The following SLC4A8 variants were observed in gnomAD, a reference collection of about 807,000 sequenced individuals.
SLC4A8 encodes solute carrier family 4 member 8, also known as electroneutral sodium bicarbonate exchanger 1.
In SLC4A8, 40 loss-of-function variants were observed where a neutral mutation model predicts 125.0. That is an observed-to-expected ratio of 0.32 (90% CI 0.25 to 0.42). The LOEUF is 0.42. Among genes scored for constraint, SLC4A8 ranks in the 10% least tolerant of loss-of-function variants. The probability of loss-of-function intolerance (pLI) is 1.00; values close to 1 mark genes in which losing one functional copy is unlikely to be tolerated. For missense variants in SLC4A8, 863 were observed against 1,355.1 expected (o/e 0.64, Z 5.70); for synonymous variants, 456 against 476.0 (o/e 0.96, Z 0.55).
At chr12:51,461,990 T>A (rs76963232) in intron 9 of SLC4A8, 1 of 197,062 alleles carries the variant, frequency 5.1e-6, no homozygotes, top group Non-Finnish European at 1.0e-5. Context: ...GAAAGCTGAT[T>A]AAAATTTTTT....
At chr12:51,436,842 G>T (rs761186899) in intron 1 of SLC4A8, among the ~76,000 whole-genome samples, 3 of 152,082 alleles carry the variant, frequency 2.0e-5, no homozygotes, top group Non-Finnish European at 4.4e-5. Flanking sequence ...GGCCAGGCTG[G>T]TCTCGAACTC....
chr12:51,499,101 A>G (rs1383045573), intron 22 of SLC4A8, among the ~76,000 whole-genome samples: 1 of 152,008 alleles, frequency 6.6e-6, no homozygotes, highest in East Asian at 1.9e-4. Flanking sequence ...GAATCACTTG[A>G]ACCCGGGAGG....
rs528436510 is a variant in SLC4A8 at position 51,477,008 on chromosome 12, A to G, written c.2172+1802A>G. ...CCACAACCTCTGCCTCCCGGGTTCAAGTGGTTCTTCTGCCTCAGCCTCCAA... is the reference window on the plus strand; with the variant it reads ...CCACAACCTCTGCCTCCCGGGTTCAGGTGGTTCTTCTGCCTCAGCCTCCAA... On this transcript the variant is annotated intron_variant, in intron 16 of 24. Coordinates refer to ENST00000453097, the MANE Select transcript of SLC4A8 (RefSeq NM_001039960.3). 3.8e-4 allele frequency among the ~76,000 whole-genome samples: 57 copies of G among 150,062 alleles called. 1 individual carries two copies. Among genetic ancestry groups the G allele is most frequent in the Middle Eastern group, 3.5e-3 (1 of 286 alleles).
chr12:51,475,265 C>A lies in SLC4A8; in HGVS notation c.2172+59C>A, dbSNP rs1950826225. On this transcript the variant is annotated intron_variant, in intron 16 of 24. Coordinates refer to ENST00000453097, the MANE Select transcript of SLC4A8 (RefSeq NM_001039960.3). Reference sequence around the variant, plus strand: ...AGAATCAAATATAACAGAACCTTTTCTCAGCCTTCATGCTGCTTATGGGGT... The same window carrying A: ...AGAATCAAATATAACAGAACCTTTTATCAGCCTTCATGCTGCTTATGGGGT... The A allele has an allele frequency of 4.5e-6, 7 of 1,546,222 alleles. No individual in the cohort carries two copies. In the Admixed American group the frequency reaches 1.0e-4, roughly 23 times the overall value.
chr12:51,426,925 CT>C (rs946525080), intron 1 of SLC4A8, among the ~76,000 whole-genome samples: 24 of 142,542 alleles, frequency 1.7e-4, no homozygotes, highest in South Asian at 9.1e-4. Flanking sequence ...AACAGATTTT[CT>C]TTTTTTTTTC....
intron 23 of SLC4A8, among the ~76,000 whole-genome samples, chr12:51,505,557 C>A (rs1938130529): frequency 6.6e-6 from 1 of 152,256 alleles, no homozygotes; most frequent in Admixed American, 6.5e-5. Context: ...TCCAGTGAGG[C>A]CCTTCGGAGG....
intron 1 of SLC4A8, among the ~76,000 whole-genome samples, chr12:51,405,547 A>C (rs976758534): frequency 3.9e-5 from 6 of 152,052 alleles, no homozygotes; most frequent in Admixed American, 1.3e-4. Context: ...ATGTTCATCT[A>C]TGGCCATTTT....
chr12:51,448,712 CTT>C (rs1565783488), intron 2 of SLC4A8, among the ~76,000 whole-genome samples: 1 of 152,052 alleles, frequency 6.6e-6, no homozygotes, highest in Non-Finnish European at 1.5e-5. Flanking sequence ...TCAAGAAAGT[CTT>C]TTGAACTAAG....
chr12:51,450,760 T>C, intron 2 of SLC4A8, 116 bp from the exon 3 acceptor site: 1 of 1,132,506 alleles, frequency 8.8e-7, no homozygotes, highest in African/African-American at 1.6e-5. Flanking sequence ...GTTCCAGAGC[T>C]GTGACCAGAC....
rs186914716 is a variant in SLC4A8 at position 51,462,144 on chromosome 12, A to G, written c.1102-166A>G. 2.1e-4 allele frequency: 130 copies of G among 622,862 alleles called. No homozygotes were observed. The highest frequency in any genetic ancestry group is 3.5e-4 in the Non-Finnish European group (123 of 356,414). The allele number at this position is 622,862 out of a possible 1,614,324, so 38.6% of individuals were successfully genotyped here. A position where few individuals can be genotyped will look rare whatever the true frequency, so the allele number is the denominator to read the frequency against. On this transcript the variant is annotated intron_variant, in intron 9 of 24. Coordinates refer to ENST00000453097, the MANE Select transcript of SLC4A8 (RefSeq NM_001039960.3). The stretch of plus-strand genomic sequence containing the variant: ...TCTCATTTCCACGCTTGTTTTTTAA[A>G]TCCTTTTATCCTTGCACTTCTCTAA...
chr12:51,434,327 AAT>A lies in SLC4A8; in HGVS notation c.49-6379_49-6378del, dbSNP rs1229116349. On this transcript the variant is annotated intron_variant, in intron 1 of 24. Coordinates refer to ENST00000453097, the MANE Select transcript of SLC4A8 (RefSeq NM_001039960.3). Reference sequence around the variant, plus strand: ...ACACACGAGATTATTATACTGAAAAAATAGTTTCCTAATATAATCAAATTTTC... The same window carrying A: ...ACACACGAGATTATTATACTGAAAAAAGTTTCCTAATATAATCAAATTTTC... Among the ~76,000 whole-genome samples, 15 of 152,372 alleles carry A rather than the reference AAT, an allele frequency of 9.8e-5. No homozygotes were observed. In the East Asian group the frequency reaches 1.5e-3, roughly 16 times the overall value.
chr12:51,416,736 A>G (rs1948693706), intron 1 of SLC4A8, among the ~76,000 whole-genome samples: 1 of 152,200 alleles, frequency 6.6e-6, no homozygotes, highest in Admixed American at 6.5e-5. Flanking sequence ...CTCCTTATAT[A>G]GCTATCTAGG....
Position 51,459,956 on chromosome 12 carries a change from CCTT to C in SLC4A8, c.863_865del (p.Leu288del). 6.2e-7 allele frequency: 1 copy of C among 1,613,162 alleles called. No homozygotes were observed. Among genetic ancestry groups the C allele is most frequent in the Non-Finnish European group, 8.5e-7 (1 of 1,179,476 alleles). On this transcript the variant is annotated inframe_deletion, in exon 8 of 25. Transcript: ENST00000453097. Reference sequence around the variant, plus strand: ...TGTTTCTTTTGGACTTTCAGGTAGACCTTCATTTCATGAAAAAAATTCCTACTG... The same window carrying C: ...TGTTTCTTTTGGACTTTCAGGTAGACCATTTCATGAAAAAAATTCCTACTG...
rs938119692 is a variant in SLC4A8 at position 51,459,845 on chromosome 12, G to A, written c.856-106G>A. ...GATTGCGCCACTGCACTCCAGAGTG[G>A]GTGATGTAGTGAGACTCTGTCTCAA... On this transcript the variant is annotated intron_variant, in intron 7 of 24. Transcript: ENST00000453097. 13 of 919,784 alleles carry A rather than the reference G, an allele frequency of 1.4e-5. No individual in the cohort carries two copies. The Admixed American group carries it at 2.3e-4, about 16-fold the overall frequency. 57.0% of individuals were successfully genotyped at this position (919,784 alleles called of 1,614,324 possible). A position where few individuals can be genotyped will look rare whatever the true frequency, so the allele number is the denominator to read the frequency against.
chr12:51,424,094 G>C (rs1351287139), upstream of SLC4A8, among the ~76,000 whole-genome samples: 2 of 139,698 alleles, frequency 1.4e-5, no homozygotes, highest in African/African-American at 2.6e-5. Context: ...AACCCAAAAG[G>C]TACCTTTCTT....
rs1329784164 is a variant in SLC4A8 at position 51,513,181 on chromosome 12, G to A, written c.*5743G>A. On this transcript the variant is annotated 3_prime_UTR_variant, in exon 25 of 25. Coordinates refer to ENST00000453097, the MANE Select transcript of SLC4A8 (RefSeq NM_001039960.3). ...TTTTAGGGAAGGGTAGGTCTGGAGA[G>A]AAGGTGAAGACCAGCAGAAATATAC... The A allele has an allele frequency of 1.3e-5, 2 of 152,240 alleles. No homozygotes were observed. The highest frequency in any genetic ancestry group is 2.9e-5 in the Non-Finnish European group (2 of 68,046). 9.4% of individuals were successfully genotyped at this position (152,240 alleles called of 1,614,324 possible).
chr12:51,486,117 T>G (rs1435422837), intron 17 of SLC4A8, among the ~76,000 whole-genome samples: 1 of 152,198 alleles, frequency 6.6e-6, no homozygotes. Flanking sequence ...GGTTGTTTAA[T>G]GAATGAAAAG....
chr12:51,434,812 A>G (rs1949348428), intron 1 of SLC4A8, among the ~76,000 whole-genome samples: 2 of 152,128 alleles, frequency 1.3e-5, no homozygotes, highest in Admixed American at 1.3e-4. Flanking sequence ...CCAGTAGGGG[A>G]GCCAACATGA....
At position 51,470,521 on chromosome 12, in the gene SLC4A8, T is replaced by C. The variant is rs776901122; in HGVS notation, c.1654T>C (p.Cys552Arg). Residue 552 changes from cysteine (C) to arginine (R), a missense_variant, in exon 13 of 25, where the codon TGC (cysteine) becomes CGC (arginine). Transcript: ENST00000453097. ...LVFEKILFKF[C>R]KDYALSYLSL... Reference sequence around the variant, plus strand: ...GTTTGAAAAGATTTTGTTCAAATTCTGCAAGTAAGACATTTGTTTTTCTGA... The same window carrying C: ...GTTTGAAAAGATTTTGTTCAAATTCCGCAAGTAAGACATTTGTTTTTCTGA... 1 of 1,613,502 alleles carries C rather than the reference T, an allele frequency of 6.2e-7. No homozygotes were observed. Among genetic ancestry groups the C allele is most frequent in the Non-Finnish European group, 8.5e-7 (1 of 1,179,554 alleles).
Sources: allele counts gnomAD v4.1 joint callset (sites outside exome capture counted in the v4.1 genomes callset), GRCh38; gene constraint gnomAD v4.1.1; transcripts MANE v1.5; gene names NCBI Gene and HGNC (gene_info 2026-07-23, HGNC 2026-07-21).